Variants in GALNTL6 observed in about 807,000 individuals in gnomAD.
The protein encoded by GALNTL6 is polypeptide N-acetylgalactosaminyltransferase-like 6.
A neutral mutation model predicts 73.7 loss-of-function variants in GALNTL6; 46 were observed. The ratio of observed to expected loss-of-function variants is 0.62; its 90% CI spans 0.49 to 0.80. GALNTL6 has a LOEUF of 0.80. Ranked by LOEUF, GALNTL6 falls within the 30% of genes least tolerant of loss-of-function variation. The probability of loss-of-function intolerance (pLI) is 0.00; values close to 1 mark genes in which losing one functional copy is unlikely to be tolerated. For synonymous variants in GALNTL6, 259 were observed against 263.7 expected (o/e 0.98, Z 0.17); for missense variants, 604 against 755.0 (o/e 0.80, Z 2.34).
At chr4:171,953,248 GTGT>G (rs549082958) in intron 2 of GALNTL6, among the ~76,000 whole-genome samples, 2 of 149,108 alleles carry the variant, frequency 1.3e-5, no homozygotes, top group Non-Finnish European at 3.1e-5. Flanking sequence ...GTGTGTGTGT[GTGT>G]GTGTGTGTGT....
intron 5 of GALNTL6, among the ~76,000 whole-genome samples, chr4:172,759,836 T>C (rs1737969785): frequency 4.0e-5 from 1 of 25,094 alleles, no homozygotes; most frequent in East Asian, 1.6e-3. Context: ...TTTTTTTTTT[T>C]TTTTTTTTTT....
chr4:172,218,911 A>C, intron 2 of GALNTL6, among the ~76,000 whole-genome samples: 1 of 151,836 alleles, frequency 6.6e-6, no homozygotes, highest in East Asian at 1.9e-4. Context: ...TTTGTTAAGT[A>C]ATAATAAATA....
chr4:172,968,268 A>T (rs544630055), intron 10 of GALNTL6, among the ~76,000 whole-genome samples: 101 of 152,304 alleles, frequency 6.6e-4, no homozygotes, highest in African/African-American at 2.4e-3. Context: ...TCAGAAATCA[A>T]CAACAAGCAT....
intron 2 of GALNTL6, among the ~76,000 whole-genome samples, chr4:172,045,875 A>C (rs574150259): frequency 1.1e-4 from 17 of 152,040 alleles, no homozygotes; most frequent in African/African-American, 3.9e-4. Context: ...TGTCTCTGTA[A>C]TCACTATTGT....
intron 2 of GALNTL6, among the ~76,000 whole-genome samples, chr4:171,913,613 GTAAAAACTGCACATTACAGAAAAAGGA>G (rs1737534086): frequency 6.6e-6 from 1 of 152,032 alleles, no homozygotes; most frequent in Non-Finnish European, 1.5e-5. Context: ...AGAAAAAAGG[GTAAAAACTGCACATTACAGAAAAAGGA>G]TAGGAGAAAA....
chr4:172,269,197 A>G lies in GALNTL6; in HGVS notation c.247+39433A>G, dbSNP rs146268813. Among the ~76,000 whole-genome samples the G allele has an allele frequency of 2.0e-4, 31 of 152,230 alleles. No homozygotes were observed. In the East Asian group the frequency reaches 2.7e-3, roughly 13 times the overall value. ...CAACAGAGCAAGTCTAGGCAGAGAG[A>G]CGTCTTGAGATTCATGTCCACTCCA... On this transcript the variant is annotated intron_variant, in intron 3 of 12. Transcript: ENST00000506823.
chr4:172,771,581 T>C (rs1738763056), intron 5 of GALNTL6, among the ~76,000 whole-genome samples: 1 of 152,190 alleles, frequency 6.6e-6, no homozygotes, highest in African/African-American at 2.4e-5. Context: ...TAAATTGCTG[T>C]TTGTCTCTTT....
intron 2 of GALNTL6, among the ~76,000 whole-genome samples, chr4:172,176,355 A>AAAAAAAAAAAAAG (rs1321060159): frequency 3.3e-5 from 5 of 149,512 alleles, no homozygotes; most frequent in Admixed American, 6.7e-5. Flanking sequence ...AAAAAAAAAA[A>AAAAAAAAAAAAAG]AGAGTGTATT....
intron 5 of GALNTL6, among the ~76,000 whole-genome samples, chr4:172,476,075 G>A (rs1453273604): frequency 6.6e-6 from 1 of 152,186 alleles, no homozygotes; most frequent in Non-Finnish European, 1.5e-5. Context: ...CTGATATCCA[G>A]TCGAATTGGA....
At chr4:171,899,641 T>C (rs1268716784) in intron 2 of GALNTL6, among the ~76,000 whole-genome samples, 1 of 152,212 alleles carries the variant, frequency 6.6e-6, no homozygotes, top group African/African-American at 2.4e-5. Flanking sequence ...CACATATTTA[T>C]GTATGCTATA....
chr4:172,900,295 CAAATA>C lies in GALNTL6; in HGVS notation c.1041+17391_1041+17395del, dbSNP rs201729963. Among the ~76,000 whole-genome samples, 1,509 of 152,182 alleles carry C rather than the reference CAAATA, an allele frequency of 9.9e-3. 21 individuals carry two copies. The highest frequency in any genetic ancestry group is 0.034 in the African/African-American group (1,401 of 41,530). ...ATTATTGTTTTTGAGTTTTAAAAAT[CAAATA>C]AATTACCCAACGTCACTTAGAGATT... On this transcript the variant is annotated intron_variant, in intron 8 of 12. Coordinates refer to ENST00000506823, the MANE Select transcript of GALNTL6 (RefSeq NM_001034845.3).
chr4:172,355,447 G>A (rs558749064), intron 5 of GALNTL6, among the ~76,000 whole-genome samples: 1 of 152,114 alleles, frequency 6.6e-6, no homozygotes, highest in Non-Finnish European at 1.5e-5. Context: ...ATGAAGTGAT[G>A]GAATGGAAAG....
intron 2 of GALNTL6, among the ~76,000 whole-genome samples, chr4:172,150,808 A>T (rs2110760480): frequency 6.6e-6 from 1 of 152,330 alleles, no homozygotes; most frequent in African/African-American, 2.4e-5. Context: ...TACTCACCTA[A>T]TAATTTTAAA....
At chr4:172,036,509 T>C (rs1389973480) in intron 2 of GALNTL6, among the ~76,000 whole-genome samples, 3 of 152,164 alleles carry the variant, frequency 2.0e-5, no homozygotes, top group African/African-American at 7.2e-5. Flanking sequence ...TACCATTAGA[T>C]TGAGAGTAAT....
chr4:171,947,550 C>T (rs1257140315), intron 2 of GALNTL6, among the ~76,000 whole-genome samples: 1 of 152,144 alleles, frequency 6.6e-6, no homozygotes, highest in Non-Finnish European at 1.5e-5. Flanking sequence ...AGAGTGCTGA[C>T]AGGAAACAAC....
chr4:172,837,743 A>C (rs888320197), intron 7 of GALNTL6, among the ~76,000 whole-genome samples: 12 of 152,224 alleles, frequency 7.9e-5, no homozygotes, highest in African/African-American at 2.9e-4. Flanking sequence ...TTCTAAACAG[A>C]AAATCACTGG....
chr4:172,226,917 G>A (rs73870038), intron 2 of GALNTL6, among the ~76,000 whole-genome samples: 204 of 152,164 alleles, frequency 1.3e-3, no homozygotes, highest in African/African-American at 4.2e-3. Context: ...TTTTCTTAAA[G>A]TTCTTTGAGA....
chr4:172,358,277 A>C (rs1742238121), intron 5 of GALNTL6, among the ~76,000 whole-genome samples: 1 of 152,218 alleles, frequency 6.6e-6, no homozygotes, highest in Non-Finnish European at 1.5e-5. Flanking sequence ...ACTATTAAGA[A>C]AAATATTTCA....
At chr4:172,560,611 G>GAAT (rs1736319558) in intron 5 of GALNTL6, among the ~76,000 whole-genome samples, 1 of 152,144 alleles carries the variant, frequency 6.6e-6, no homozygotes, top group African/African-American at 2.4e-5. Flanking sequence ...TTCATTCACA[G>GAAT]AATATTCTTA....
Sources: gnomAD v4.1 joint callset for allele counts (sites outside exome capture counted in the v4.1 genomes callset) on GRCh38, gnomAD v4.1.1 for gene constraint, MANE v1.5 for transcripts, NCBI Gene and HGNC (gene_info 2026-07-23, HGNC 2026-07-21) for gene names.